MYO7A: variants seen among roughly 807,000 people sequenced by gnomAD.
MYO7A encodes unconventional myosin-VIIa.
A neutral mutation model predicts 263.8 loss-of-function variants in MYO7A; 210 were observed. That is an observed-to-expected ratio of 0.80 (90% CI 0.71 to 0.89). MYO7A has a LOEUF of 0.89. Among genes scored for constraint, MYO7A ranks in the 40% least tolerant of loss-of-function variants. The pLI, the probability that MYO7A is intolerant of heterozygous loss-of-function variation, is 0.00. For synonymous variants in MYO7A, 1,239 were observed against 1,197.3 expected (o/e 1.03, Z -0.72); for missense variants, 2,820 against 2,968.3 (o/e 0.95, Z 1.16).
intron 40 of MYO7A, 126 bp downstream of exon 40, chr11:77,205,743 C>G (rs995560596): frequency 9.5e-5 from 123 of 1,290,956 alleles, no homozygotes; most frequent in Non-Finnish European, 7.8e-5. Context: ...GGTACCTCAA[C>G]TGCCAGCTAG....
chr11:77,139,029 G>A (rs1395268420), intron 2 of MYO7A, among the ~76,000 whole-genome samples: 1 of 152,214 alleles, frequency 6.6e-6, no homozygotes, highest in African/African-American at 2.4e-5. Flanking sequence ...ATTAATATTG[G>A]CTCGAGACCG....
rs1288464318 is a variant in MYO7A at position 77,201,530 on chromosome 11, C to T, written c.4935C>T (p.Asn1645=). The T allele has an allele frequency of 6.2e-7, 1 of 1,613,942 alleles. No individual in the cohort carries two copies. Among genetic ancestry groups the T allele is most frequent in the Admixed American group, 1.7e-5 (1 of 60,024 alleles). The change falls in exon 36 of 49, where the codon AAC becomes AAT. Residue 1645 remains asparagine (N), a synonymous_variant. Transcript: ENST00000409709. ...ATGACACGGGCGAGCAGGTCATGAACTCGGGCTGGGCCAACGGCATCAATG... is the reference window on the plus strand; with the variant it reads ...ATGACACGGGCGAGCAGGTCATGAATTCGGGCTGGGCCAACGGCATCAATG... ...LDHDTGEQVM[N]SGWANGINER...
chr11:77,205,636 G>A lies in MYO7A; in HGVS notation c.5636+19G>A, dbSNP rs1565475869. 1.2e-6 allele frequency: 2 copies of A among 1,612,644 alleles called. No individual in the cohort carries two copies. The highest frequency in any genetic ancestry group is 1.1e-5 in the South Asian group (1 of 90,944). ...CCCTGAGGTACAGCGGCCACCAGGGGCAGGGACAGACACTGGGGCGGGCTC... is the reference window on the plus strand; with the variant it reads ...CCCTGAGGTACAGCGGCCACCAGGGACAGGGACAGACACTGGGGCGGGCTC... On this transcript the variant is annotated intron_variant, in intron 40 of 48. Transcript: ENST00000409709.
At chr11:77,165,057 CTG>C (rs1215513290) in intron 14 of MYO7A, among the ~76,000 whole-genome samples, 6 of 152,232 alleles carry the variant, frequency 3.9e-5, no homozygotes, top group Non-Finnish European at 7.3e-5. Flanking sequence ...GTTAAGGAAA[CTG>C]GAGTCCCAGA....
chr11:77,162,539 A>C (rs1314180488), intron 13 of MYO7A, among the ~76,000 whole-genome samples: 1 of 152,236 alleles, frequency 6.6e-6, no homozygotes, highest in African/African-American at 2.4e-5. Context: ...AGATCCATGC[A>C]TGCAGTTGGC....
intron 3 of MYO7A, among the ~76,000 whole-genome samples, chr11:77,144,318 C>A (rs1246597006): frequency 5.3e-5 from 8 of 152,190 alleles, no homozygotes; most frequent in African/African-American, 1.9e-4. Context: ...CATAGACGGG[C>A]CTGCTAACCT....
chr11:77,133,424 G>A (rs1232817373), intron 2 of MYO7A, among the ~76,000 whole-genome samples: 1 of 152,218 alleles, frequency 6.6e-6, no homozygotes, highest in Admixed American at 6.5e-5. Context: ...AAATTTGTGG[G>A]CTGTTGATAA....
intron 25 of MYO7A, among the ~76,000 whole-genome samples, 179 bp downstream of exon 25, chr11:77,182,779 A>G (rs1555085710): frequency 6.6e-6 from 1 of 152,226 alleles, no homozygotes; most frequent in Non-Finnish European, 1.5e-5. Context: ...CAACTTTTAT[A>G]AACTGTAAAG....
chr11:77,190,578 T>TGCTAGGGCCTGGAGC, intron 29 of MYO7A, 119 bp from the exon 30 acceptor site: 1 of 1,049,180 alleles, frequency 9.5e-7, no homozygotes, highest in Non-Finnish European at 1.4e-6. Flanking sequence ...CCCAGTGAGG[T>TGCTAGGGCCTGGAGC]ACTGGGGCCT....
At chr11:77,186,126 T>C (rs1407184588) in intron 27 of MYO7A, among the ~76,000 whole-genome samples, 1 of 91,058 alleles carries the variant, frequency 1.1e-5, no homozygotes, top group Non-Finnish European at 2.1e-5. Context: ...TTTCACCATG[T>C]TGCCAGGCTG....
intron 29 of MYO7A, among the ~76,000 whole-genome samples, 180 bp downstream of exon 29, chr11:77,190,319 C>A (rs1473869949): frequency 6.6e-6 from 1 of 152,192 alleles, no homozygotes; most frequent in African/African-American, 2.4e-5. Context: ...AGAAAAGCCC[C>A]CAAAGGATGA....
chr11:77,143,969 T>C (rs902105066), intron 3 of MYO7A, among the ~76,000 whole-genome samples: 2 of 152,208 alleles, frequency 1.3e-5, no homozygotes, highest in South Asian at 4.2e-4. Flanking sequence ...AGTTCTGTCT[T>C]TGGACTCTCA....
chr11:77,174,457 C>T (rs1322075896), intron 16 of MYO7A, among the ~76,000 whole-genome samples: 2 of 152,220 alleles, frequency 1.3e-5, no homozygotes, highest in Non-Finnish European at 2.9e-5. Context: ...TACTCCCCCT[C>T]CTGTCAGGGT....
At chr11:77,146,796 G>A (rs1268797784) in intron 3 of MYO7A, among the ~76,000 whole-genome samples, 10 of 152,024 alleles carry the variant, frequency 6.6e-5, no homozygotes, top group East Asian at 1.9e-4. Flanking sequence ...GAGGGCTGAC[G>A]TACTCTCAGG....
intron 13 of MYO7A, 63 bp from the exon 14 acceptor site, chr11:77,162,790 C>T: frequency 6.3e-7 from 1 of 1,577,388 alleles, no homozygotes; most frequent in Non-Finnish European, 8.6e-7. Context: ...AAGACATGGG[C>T]AGGGAGGGGA....
chr11:77,139,006 C>T (rs1327201518), intron 2 of MYO7A, among the ~76,000 whole-genome samples: 4 of 150,710 alleles, frequency 2.7e-5, no homozygotes, highest in Non-Finnish European at 4.5e-5. Context: ...GGGCTAAGGC[C>T]CTGTGGGGAA....
chr11:77,150,766 G>A (rs1367469834), intron 4 of MYO7A, among the ~76,000 whole-genome samples: 1 of 152,122 alleles, frequency 6.6e-6, no homozygotes, highest in Non-Finnish European at 1.5e-5. Flanking sequence ...AGTGTCTCTT[G>A]GACTGGGGAT....
intron 7 of MYO7A, 76 bp from the exon 8 acceptor site, chr11:77,157,203 A>G (rs1187137443): frequency 7.2e-7 from 1 of 1,384,066 alleles, no homozygotes; most frequent in Admixed American, 1.9e-5. Flanking sequence ...ATAGTAAACC[A>G]TCATCCCAGG....
intron 48 of MYO7A, 59 bp downstream of exon 48, chr11:77,214,038 C>T: frequency 6.2e-7 from 1 of 1,605,994 alleles, no homozygotes; most frequent in South Asian, 1.1e-5. Flanking sequence ...GCGTAGCCAG[C>T]CTCCCAGGGC....
Sources: gnomAD v4.1 joint callset for allele counts (sites outside exome capture counted in the v4.1 genomes callset) on GRCh38, gnomAD v4.1.1 for gene constraint, MANE v1.5 for transcripts, NCBI Gene and HGNC (gene_info 2026-07-23, HGNC 2026-07-21) for gene names.